Variants in EYS observed in about 807,000 individuals in gnomAD.
EYS encodes the protein protein eyes shut homolog.
A neutral mutation model predicts 282.1 loss-of-function variants in EYS; 250 were observed. That is an observed-to-expected ratio of 0.89 (90% CI 0.80 to 0.98). EYS has a LOEUF of 0.98. Ranked by LOEUF, EYS falls within the 50% of genes least tolerant of loss-of-function variation. EYS has a pLI of 0.00. For synonymous variants in EYS, 1,355 were observed against 1,282.9 expected (o/e 1.06, Z -1.20); for missense variants, 4,016 against 3,709.0 (o/e 1.08, Z -2.15).
At chr6:64,523,566 A>G (rs367930788) in intron 26 of EYS, among the ~76,000 whole-genome samples, 2 of 151,816 alleles carry the variant, frequency 1.3e-5, no homozygotes, top group African/African-American at 2.4e-5. Context: ...CCCATGTGGT[A>G]AAAGTTTTCT....
chr6:65,011,358 C>T (rs1430912727), intron 13 of EYS, among the ~76,000 whole-genome samples: 3 of 152,166 alleles, frequency 2.0e-5, no homozygotes, highest in African/African-American at 7.2e-5. Context: ...ATCCCTGTAT[C>T]TTTAACCTCC....
intron 9 of EYS, among the ~76,000 whole-genome samples, chr6:65,347,388 C>T (rs1022088844): frequency 5.9e-5 from 9 of 151,654 alleles, no homozygotes; most frequent in African/African-American, 2.2e-4. Context: ...GATATATTCT[C>T]GATCCTAATC....
intron 30 of EYS, among the ~76,000 whole-genome samples, chr6:64,263,678 C>T (rs949892351): frequency 1.3e-5 from 2 of 152,088 alleles, no homozygotes; most frequent in African/African-American, 4.8e-5. Context: ...TCCTAACCAA[C>T]AGGATATGGC....
intron 1 of EYS, among the ~76,000 whole-genome samples, chr6:65,675,795 A>G (rs1768567276): frequency 1.3e-5 from 2 of 151,988 alleles, no homozygotes; most frequent in Admixed American, 1.3e-4. Context: ...AGTAGAATAA[A>G]CATTCTTCTC....
At chr6:65,477,930 C>A (rs559546980) in intron 5 of EYS, among the ~76,000 whole-genome samples, 1 of 152,156 alleles carries the variant, frequency 6.6e-6, no homozygotes, top group African/African-American at 2.4e-5. Context: ...TGTGTCATAC[C>A]TATTTTCAAA....
intron 19 of EYS, among the ~76,000 whole-genome samples, chr6:64,836,405 A>T (rs1408482494): frequency 6.6e-6 from 1 of 151,500 alleles, no homozygotes; most frequent in Non-Finnish European, 1.5e-5. Context: ...TCACCAATAA[A>T]AATAACTAAT....
intron 35 of EYS, among the ~76,000 whole-genome samples, chr6:63,966,819 T>A (rs1289701702): frequency 6.6e-6 from 1 of 152,174 alleles, no homozygotes; most frequent in Non-Finnish European, 1.5e-5. Flanking sequence ...ATGTTAGCTA[T>A]TTTTTTATTA....
chr6:65,400,911 A>G (rs1384679877), intron 7 of EYS, among the ~76,000 whole-genome samples: 1 of 151,902 alleles, frequency 6.6e-6, no homozygotes, highest in African/African-American at 2.4e-5. Flanking sequence ...CCCTCATTGA[A>G]GCTGTTTAAG....
At chr6:65,065,458 T>C (rs9345595) in intron 12 of EYS, among the ~76,000 whole-genome samples, 47,325 of 150,830 alleles carry the variant, frequency 0.31, 7,602 homozygotes, top group South Asian at 0.34. Context: ...TCTCTGCTCA[T>C]TGCAAGCTCC....
intron 30 of EYS, among the ~76,000 whole-genome samples, chr6:64,296,280 G>A (rs1169071451): frequency 1.3e-5 from 2 of 152,224 alleles, no homozygotes; most frequent in Non-Finnish European, 2.9e-5. Flanking sequence ...CAGATTGAAT[G>A]CAGAAGCACA....
intron 35 of EYS, among the ~76,000 whole-genome samples, chr6:63,950,382 C>T (rs1226350324): frequency 1.3e-5 from 2 of 151,928 alleles, no homozygotes; most frequent in African/African-American, 2.4e-5. Context: ...CCCCACTGAG[C>T]ATGTTGTGAC....
In EYS at chr6:64,586,225, C is replaced by T. The variant is rs77428307; in HGVS notation, c.5644+3998G>A. Among the ~76,000 whole-genome samples, 9 of 152,114 alleles carry T rather than the reference C, an allele frequency of 5.9e-5. No homozygotes were observed. In the East Asian group the frequency reaches 1.7e-3, roughly 30 times the overall value. On this transcript the variant is annotated intron_variant, in intron 26 of 42. Transcript: ENST00000503581. ...TTTTGGCATTTCTTCCACATGAGGA[C>T]ACCTCATTCTGGTGAAGAATGAGGA...
intron 35 of EYS, among the ~76,000 whole-genome samples, chr6:63,882,925 C>G (rs975604565): frequency 3.9e-5 from 6 of 152,114 alleles, no homozygotes; most frequent in African/African-American, 1.4e-4. Context: ...ATTTGAAAAA[C>G]TATACAGAGG....
At chr6:64,247,317 C>T (rs1767052968) in intron 30 of EYS, among the ~76,000 whole-genome samples, 1 of 152,166 alleles carries the variant, frequency 6.6e-6, no homozygotes, top group Admixed American at 6.5e-5. Context: ...CTGGCAAAGA[C>T]AAATGCAACT....
At chr6:65,443,523 A>C (rs1197414083) in intron 5 of EYS, among the ~76,000 whole-genome samples, 2 of 151,890 alleles carry the variant, frequency 1.3e-5, no homozygotes, top group African/African-American at 2.4e-5. Context: ...ACATGTATGT[A>C]TATACATATA....
intron 35 of EYS, among the ~76,000 whole-genome samples, chr6:63,927,833 G>C (rs891765245): frequency 6.6e-6 from 1 of 152,208 alleles, no homozygotes; most frequent in East Asian, 1.9e-4. Context: ...TAGCTTGGAG[G>C]TAGTGGTGAA....
At chr6:65,472,058 T>C (rs1301890727) in intron 5 of EYS, among the ~76,000 whole-genome samples, 1 of 152,036 alleles carries the variant, frequency 6.6e-6, no homozygotes, top group African/African-American at 2.4e-5. Flanking sequence ...AAACAGTACA[T>C]TTTTTTATGG....
At chr6:64,323,694 A>G (rs1026875271) in intron 29 of EYS, among the ~76,000 whole-genome samples, 11 of 152,196 alleles carry the variant, frequency 7.2e-5, no homozygotes, top group African/African-American at 2.6e-4. Context: ...CATCAAAACT[A>G]CCTTTAATTG....
At chr6:63,734,437 C>A (rs1343564257) in intron 41 of EYS, among the ~76,000 whole-genome samples, 1 of 152,048 alleles carries the variant, frequency 6.6e-6, no homozygotes, top group East Asian at 1.9e-4. Context: ...GGAAGTTAAA[C>A]AATATCGCTT....
Sources: allele counts gnomAD v4.1 joint callset (sites outside exome capture counted in the v4.1 genomes callset), GRCh38; gene constraint gnomAD v4.1.1; transcripts MANE v1.5; gene names NCBI Gene and HGNC (gene_info 2026-07-23, HGNC 2026-07-21).